ULK4: variants seen among roughly 807,000 people sequenced by gnomAD.
The protein encoded by ULK4 is unc-51 like kinase 4, also known as inactive serine/threonine-protein kinase ULK4.
A neutral mutation model predicts 160.6 loss-of-function variants in ULK4; 133 were observed. That is an observed-to-expected ratio of 0.83 (90% CI 0.72 to 0.96). The LOEUF (loss-of-function observed/expected upper bound fraction) is 0.96, where lower values mean the gene tolerates loss of function less well. Among genes scored for constraint, ULK4 ranks in the 40% least tolerant of loss-of-function variants. ULK4 has a pLI of 0.00. For missense variants in ULK4, 1,580 were observed against 1,499.5 expected, an observed-to-expected ratio of 1.05 and a Z score of -0.89; for synonymous variants, 534 against 539.8, an observed-to-expected ratio of 0.99 and a Z score of 0.15.
chr3:41,272,343 G>GTTTTTT (rs3038324), intron 35 of ULK4, among the ~76,000 whole-genome samples: 20 of 95,476 alleles, frequency 2.1e-4, no homozygotes, highest in East Asian at 6.4e-4. Flanking sequence ...AATTTTGAAA[G>GTTTTTT]TTTTTTTTTT....
At chr3:41,907,684 A>C (rs58112727) in intron 12 of ULK4, among the ~76,000 whole-genome samples, 161 bp downstream of exon 12, 6,519 of 152,282 alleles carry the variant, frequency 0.043, 429 homozygotes, top group African/African-American at 0.15. Context: ...ACTAAATGGG[A>C]TATCTCTCTC....
At chr3:41,835,325 C>T (rs1033931650) in intron 18 of ULK4, among the ~76,000 whole-genome samples, 1 of 152,168 alleles carries the variant, frequency 6.6e-6, no homozygotes, top group African/African-American at 2.4e-5. Flanking sequence ...TTATCACTAT[C>T]TATTCCATAA....
At chr3:41,790,456 C>T (rs2040116863) in intron 20 of ULK4, among the ~76,000 whole-genome samples, 1 of 152,156 alleles carries the variant, frequency 6.6e-6, no homozygotes, top group Admixed American at 6.5e-5. Context: ...AACTTAAAAT[C>T]AGCTAATAGA....
At chr3:41,456,692 C>T (rs149221298) in intron 33 of ULK4, among the ~76,000 whole-genome samples, 5 of 152,234 alleles carry the variant, frequency 3.3e-5, no homozygotes, top group African/African-American at 9.6e-5. Context: ...AATATGTAGA[C>T]GCCCTTCCTC....
intron 5 of ULK4, among the ~76,000 whole-genome samples, chr3:41,923,662 G>A (rs1699280147): frequency 6.6e-6 from 1 of 152,178 alleles, no homozygotes; most frequent in Non-Finnish European, 1.5e-5. Context: ...AGTAGTTGGA[G>A]GCCTTGGTCA....
At chr3:41,499,508 G>A (rs1166329275) in intron 32 of ULK4, among the ~76,000 whole-genome samples, 2 of 152,148 alleles carry the variant, frequency 1.3e-5, no homozygotes, top group African/African-American at 2.4e-5. Flanking sequence ...TTATTGATCG[G>A]CACAAAATAC....
intron 32 of ULK4, among the ~76,000 whole-genome samples, chr3:41,554,786 T>C (rs2125583527): frequency 6.6e-6 from 1 of 152,310 alleles, no homozygotes; most frequent in Middle Eastern, 3.4e-3. Flanking sequence ...ACATTCTATG[T>C]ATCAAAATAT....
At chr3:41,565,204 C>T (rs1487945681) in intron 32 of ULK4, among the ~76,000 whole-genome samples, 1 of 152,192 alleles carries the variant, frequency 6.6e-6, no homozygotes, top group Non-Finnish European at 1.5e-5. Flanking sequence ...TATCTCAGAA[C>T]AGATTGCCGT....
chr3:41,791,254 A>G (rs2040141755), intron 20 of ULK4, among the ~76,000 whole-genome samples: 1 of 152,114 alleles, frequency 6.6e-6, no homozygotes, highest in African/African-American at 2.4e-5. Flanking sequence ...TTGGCCTCCC[A>G]AAGTGCTGGG....
intron 21 of ULK4, among the ~76,000 whole-genome samples, chr3:41,767,343 G>C (rs543111633): frequency 6.6e-6 from 1 of 151,962 alleles, no homozygotes; most frequent in African/African-American, 2.4e-5. Context: ...ATCTGAATTT[G>C]ATTTTTATTA....
intron 35 of ULK4, among the ~76,000 whole-genome samples, chr3:41,306,621 C>A (rs1251285146): frequency 6.6e-6 from 1 of 151,794 alleles, no homozygotes; most frequent in East Asian, 2.0e-4. Flanking sequence ...CCCCTCTGCC[C>A]GGCCACCACC....
At chr3:41,450,687 C>T (rs1159514662) in intron 34 of ULK4, among the ~76,000 whole-genome samples, 1 of 152,192 alleles carries the variant, frequency 6.6e-6, no homozygotes, top group Non-Finnish European at 1.5e-5. Context: ...TAACCTATTA[C>T]ATTTTTTATC....
intron 31 of ULK4, among the ~76,000 whole-genome samples, chr3:41,570,200 A>G (rs2087922912): frequency 2.0e-5 from 3 of 152,248 alleles, no homozygotes; most frequent in African/African-American, 7.2e-5. Context: ...TTTGCCATGT[A>G]TGCCGTTGTT....
intron 35 of ULK4, among the ~76,000 whole-genome samples, chr3:41,387,546 C>G (rs1257685593): frequency 6.6e-6 from 1 of 152,132 alleles, no homozygotes; most frequent in Non-Finnish European, 1.5e-5. Context: ...ACAACAGGCC[C>G]AGGTGTGTGA....
At chr3:41,747,618 T>A (rs1270126012) in intron 22 of ULK4, among the ~76,000 whole-genome samples, 1 of 152,068 alleles carries the variant, frequency 6.6e-6, no homozygotes, top group Non-Finnish European at 1.5e-5. Flanking sequence ...TAGGTGTGTG[T>A]TTGGAGATAA....
At chr3:41,613,836 A>G (rs2032825448) in intron 31 of ULK4, among the ~76,000 whole-genome samples, 1 of 152,220 alleles carries the variant, frequency 6.6e-6, no homozygotes, top group South Asian at 2.1e-4. Context: ...AAATCTGAGC[A>G]TGGAACTGTT....
intron 32 of ULK4, among the ~76,000 whole-genome samples, chr3:41,520,649 C>T (rs760355200): frequency 3.3e-5 from 5 of 152,138 alleles, no homozygotes; most frequent in East Asian, 1.9e-4. Flanking sequence ...TTTTCCACAG[C>T]GGCTGAACCA....
At chr3:41,472,999 GA>G (rs902870507) in intron 32 of ULK4, among the ~76,000 whole-genome samples, 8 of 151,910 alleles carry the variant, frequency 5.3e-5, no homozygotes, top group East Asian at 1.9e-4. Flanking sequence ...AAGAATGAAG[GA>G]AAAAAATTAT....
rs185790821 is a variant in ULK4 at position 41,371,987 on chromosome 3, T to A, written c.3678+26092A>T. 9.2e-5 allele frequency among the ~76,000 whole-genome samples: 14 copies of A among 151,714 alleles called. No homozygotes were observed. The East Asian group carries it at 2.0e-3, about 21-fold the overall frequency. ...AGCTGAATAACACAGTACAAGAACT[T>A]CGTGAAGCATACACAAGTATCAATA... On this transcript the variant is annotated intron_variant, in intron 35 of 36. Coordinates refer to ENST00000301831, the MANE Select transcript of ULK4 (RefSeq NM_017886.4).
Sources: allele counts gnomAD v4.1 joint callset (sites outside exome capture counted in the v4.1 genomes callset), GRCh38; gene constraint gnomAD v4.1.1; transcripts MANE v1.5; gene names NCBI Gene and HGNC (gene_info 2026-07-23, HGNC 2026-07-21).